The following B3GALT1 variants were observed in gnomAD, a reference collection of about 807,000 sequenced individuals.
B3GALT1 encodes UDP-Gal:betaGlcNAc beta 1,3-galactosyltransferase, polypeptide 1.
Under a neutral mutation model 23.2 loss-of-function variants are expected in B3GALT1, and 10 were observed. That is an observed-to-expected ratio of 0.43 (90% CI 0.27 to 0.73). The LOEUF (loss-of-function observed/expected upper bound fraction) is 0.73. B3GALT1 is among the 30% of genes least tolerant of loss of function. The pLI, the probability that B3GALT1 is intolerant of heterozygous loss-of-function variation, is 0.21. For synonymous variants in B3GALT1, 156 were observed against 141.5 expected (o/e 1.10, Z -0.73); for missense variants, 299 against 405.4 (o/e 0.74, Z 2.25).
rs778252438 is a variant in B3GALT1 at position 167,347,420 on chromosome 2, T to C, written c.-511+54086T>C. Among the ~76,000 whole-genome samples the C allele has an allele frequency of 2.1e-4, 32 of 152,340 alleles. No individual in the cohort carries two copies. The Middle Eastern group carries it at 0.014, about 65-fold the overall frequency. On this transcript the variant is annotated intron_variant, in intron 1 of 4. Transcript: ENST00000392690. ...AATCTTTTAATGGAATTCAGTTCTA[T>C]AATAATTGTCCTTTCCAAGGGGGCT...
intron 1 of B3GALT1, 98 bp downstream of exon 1, chr2:167,293,432 G>A (rs1696291156): frequency 6.6e-6 from 1 of 152,456 alleles, no homozygotes; most frequent in South Asian, 2.1e-4. Context: ...TCCCGACGAA[G>A]GTGTTGGGAC....
intron 2 of B3GALT1, among the ~76,000 whole-genome samples, chr2:167,513,829 T>TA (rs1280648225): frequency 6.6e-6 from 1 of 152,190 alleles, no homozygotes; most frequent in African/African-American, 2.4e-5. Flanking sequence ...CTCTTCAGTT[T>TA]TATTTTTACT....
chr2:167,319,047 G>C (rs1696762621), intron 1 of B3GALT1, among the ~76,000 whole-genome samples: 1 of 152,138 alleles, frequency 6.6e-6, no homozygotes, highest in South Asian at 2.1e-4. Flanking sequence ...AGCCAGGTCA[G>C]ATGGGCTTTA....
At chr2:167,790,950 C>T (rs551949660) in intron 3 of B3GALT1, among the ~76,000 whole-genome samples, 1 of 152,232 alleles carries the variant, frequency 6.6e-6, no homozygotes, top group South Asian at 2.1e-4. Flanking sequence ...TATATTATTA[C>T]ATTATTTTCT....
At chr2:167,505,574 A>G (rs1350347697) in intron 2 of B3GALT1, among the ~76,000 whole-genome samples, 1 of 152,232 alleles carries the variant, frequency 6.6e-6, no homozygotes, top group East Asian at 1.9e-4. Context: ...AGATATTTGG[A>G]AAGCTTATGC....
chr2:167,667,373 T>G (rs1686220168), intron 3 of B3GALT1, among the ~76,000 whole-genome samples: 1 of 152,212 alleles, frequency 6.6e-6, no homozygotes, highest in Admixed American at 6.5e-5. Context: ...TCTCTCTGGC[T>G]GCCCTTAACA....
At chr2:167,462,049 A>G (rs1435143120) in intron 1 of B3GALT1, among the ~76,000 whole-genome samples, 1 of 152,188 alleles carries the variant, frequency 6.6e-6, no homozygotes, top group Non-Finnish European at 1.5e-5. Flanking sequence ...GTGTGTCATC[A>G]CCGAAGGAGA....
intron 4 of B3GALT1, among the ~76,000 whole-genome samples, chr2:167,867,114 G>C (rs1202111271): frequency 2.0e-5 from 3 of 152,102 alleles, no homozygotes; most frequent in Non-Finnish European, 2.9e-5. Context: ...TTTTAGTAGA[G>C]ACGGGGTTTC....
At position 167,865,747 on chromosome 2, in the gene B3GALT1, G is replaced by T. The variant is rs541523423; in HGVS notation, c.-229-3064G>T. ...GCGGAGTTTGCAGTGAGCCGAGATTGCACCACTGCACTCCAGCCTAGGCAA... is the reference window on the plus strand; with the variant it reads ...GCGGAGTTTGCAGTGAGCCGAGATTTCACCACTGCACTCCAGCCTAGGCAA... On this transcript the variant is annotated intron_variant, in intron 4 of 4. Transcript: ENST00000392690. Among the ~76,000 whole-genome samples the T allele has an allele frequency of 3.3e-5, 5 of 152,272 alleles. No homozygotes were observed. In the East Asian group the frequency reaches 9.7e-4, roughly 29 times the overall value.
intron 3 of B3GALT1, among the ~76,000 whole-genome samples, chr2:167,660,480 A>G (rs150410734): frequency 6.6e-6 from 1 of 152,220 alleles, no homozygotes; most frequent in African/African-American, 2.4e-5. Flanking sequence ...GTGAGGGAAG[A>G]TTCTATTATT....
At chr2:167,778,422 G>T (rs1688197877) in intron 3 of B3GALT1, among the ~76,000 whole-genome samples, 1 of 151,540 alleles carries the variant, frequency 6.6e-6, no homozygotes. Flanking sequence ...ATTTTAAAGG[G>T]TTTATTGTAA....
intron 2 of B3GALT1, among the ~76,000 whole-genome samples, chr2:167,529,786 A>G (rs981752229): frequency 6.6e-6 from 1 of 151,418 alleles, no homozygotes; most frequent in Admixed American, 6.6e-5. Flanking sequence ...CTTTGTTGCT[A>G]CCCCTCTGGT....
At chr2:167,737,965 G>A (rs1186118297) in intron 3 of B3GALT1, among the ~76,000 whole-genome samples, 1 of 152,162 alleles carries the variant, frequency 6.6e-6, no homozygotes, top group Non-Finnish European at 1.5e-5. Flanking sequence ...CCTGAGAGCC[G>A]TAAACTGACA....
At chr2:167,583,430 C>CT (rs954545699) in intron 2 of B3GALT1, among the ~76,000 whole-genome samples, 119 of 152,082 alleles carry the variant, frequency 7.8e-4, no homozygotes, top group Middle Eastern at 3.4e-3. Context: ...CCCTCTCTCC[C>CT]TTTTTTTTAC....
At chr2:167,804,505 G>A (rs1213368143) in intron 3 of B3GALT1, among the ~76,000 whole-genome samples, 1 of 151,838 alleles carries the variant, frequency 6.6e-6, no homozygotes, top group East Asian at 1.9e-4. Context: ...AGGCCCCAGT[G>A]TGTGATGTTC....
intron 4 of B3GALT1, among the ~76,000 whole-genome samples, chr2:167,830,385 A>T (rs1385784205): frequency 6.6e-6 from 1 of 152,086 alleles, no homozygotes; most frequent in Non-Finnish European, 1.5e-5. Context: ...TAAAAAAAAA[A>T]AAAAAGTTTG....
intron 2 of B3GALT1, among the ~76,000 whole-genome samples, chr2:167,533,931 T>G (rs1354222772): frequency 6.6e-6 from 1 of 152,198 alleles, no homozygotes; most frequent in Non-Finnish European, 1.5e-5. Context: ...AATGGGTTTT[T>G]TTTCCTCTCA....
intron 2 of B3GALT1, among the ~76,000 whole-genome samples, chr2:167,631,292 G>A (rs77406029): frequency 0.011 from 1,723 of 151,906 alleles, 61 homozygotes; most frequent in Admixed American, 0.065. Context: ...GAAAACAAGG[G>A]TTGATCAGGA....
intron 1 of B3GALT1, among the ~76,000 whole-genome samples, chr2:167,481,540 G>A (rs929816187): frequency 5.3e-5 from 8 of 150,634 alleles, no homozygotes; most frequent in Middle Eastern, 3.5e-3. Context: ...GTTTCAACAC[G>A]GCCATGCTGT....
Sources: gnomAD v4.1 joint callset for allele counts (sites outside exome capture counted in the v4.1 genomes callset) on GRCh38, gnomAD v4.1.1 for gene constraint, MANE v1.5 for transcripts, NCBI Gene and HGNC (gene_info 2026-07-23, HGNC 2026-07-21) for gene names.